The following TENM4 variants were observed in gnomAD, a reference collection of about 807,000 sequenced individuals.
TENM4 encodes teneurin-4.
TENM4 carries 82 observed loss-of-function variants against 243.3 expected under a neutral mutation model. That is an observed-to-expected ratio of 0.34 (90% CI 0.28 to 0.40). The LOEUF (loss-of-function observed/expected upper bound fraction) is 0.40. Ranked by LOEUF, TENM4 falls within the 10% of genes least tolerant of loss-of-function variation. The pLI is 1.00. For missense variants in TENM4, 3,138 were observed against 3,673.3 expected (o/e 0.85, Z 3.77); for synonymous variants, 1,412 against 1,456.3 (o/e 0.97, Z 0.69).
intron 6 of TENM4, among the ~76,000 whole-genome samples, chr11:78,954,606 A>C (rs945758199): frequency 6.6e-6 from 1 of 152,242 alleles, no homozygotes; most frequent in African/African-American, 2.4e-5. Flanking sequence ...TGTCACCAGA[A>C]TGGGATAACC....
rs1257888688 is a variant in TENM4, at chr11:78,889,862, T to C, written c.1007A>G (p.Tyr336Cys). The change falls in exon 9 of 34, where the codon TAC becomes TGC. Residue 336 changes from tyrosine (Y) to cysteine (C), a missense_variant. By Grantham distance (194) the Tyr-to-Cys change is radical. This residue lies in a region of TENM4 where 671 missense variants were observed against 614.1 expected (regional missense o/e 1.09). Coordinates refer to ENST00000278550, the MANE Select transcript of TENM4 (RefSeq NM_001098816.3). ...CAGGGCTGCGCACTTCCAGTTACAG[T>C]ACTTGGAGGGCTTCTTGAGGTTAAA... is the stretch of plus-strand genomic sequence containing the variant. ...PAFNLKKPSK[Y>C]CNWKCAALSA... 9.0e-6 allele frequency: 14 copies of C among 1,551,448 alleles called. No homozygotes were observed. The Admixed American group carries it at 2.6e-4, about 28-fold the overall frequency.
chr11:78,954,455 T>C (rs969625736), intron 6 of TENM4, among the ~76,000 whole-genome samples: 7 of 152,354 alleles, frequency 4.6e-5, no homozygotes, highest in Middle Eastern at 3.4e-3. Context: ...GAATAGCTTC[T>C]ATTTTCTTTC....
intron 9 of TENM4, among the ~76,000 whole-genome samples, chr11:78,884,801 G>C (rs923136145): frequency 1.3e-5 from 2 of 152,242 alleles, no homozygotes; most frequent in Admixed American, 6.5e-5. Context: ...AAGAGCTTGA[G>C]TGCCTGTGGT....
intron 1 of TENM4, among the ~76,000 whole-genome samples, chr11:79,396,850 C>A (rs1459409275): frequency 1.3e-5 from 2 of 152,216 alleles, no homozygotes; most frequent in Non-Finnish European, 2.9e-5. Flanking sequence ...TTATGAGTCA[C>A]AACCAAAGCC....
At chr11:78,953,898 C>T (rs1315973005) in intron 6 of TENM4, among the ~76,000 whole-genome samples, 1 of 152,256 alleles carries the variant, frequency 6.6e-6, no homozygotes, top group East Asian at 1.9e-4. Flanking sequence ...AGCAAATTGC[C>T]CAAGACTACA....
At chr11:79,238,161 A>G (rs767927946) in intron 2 of TENM4, among the ~76,000 whole-genome samples, 4 of 152,122 alleles carry the variant, frequency 2.6e-5, no homozygotes, top group Non-Finnish European at 5.9e-5. Flanking sequence ...TCTGAATTGT[A>G]TTTCTCTATT....
intron 26 of TENM4, among the ~76,000 whole-genome samples, chr11:78,710,844 TG>T (rs574276163): frequency 6.6e-6 from 1 of 151,956 alleles, no homozygotes; most frequent in Non-Finnish European, 1.5e-5. Flanking sequence ...TGTGTGAGGG[TG>T]GGGGGCCACG....
intron 2 of TENM4, among the ~76,000 whole-genome samples, chr11:79,273,653 G>T (rs1197576207): frequency 6.6e-6 from 1 of 152,138 alleles, no homozygotes; most frequent in Non-Finnish European, 1.5e-5. Context: ...CCTGGAACCA[G>T]GGCCCATGTC....
intron 4 of TENM4, among the ~76,000 whole-genome samples, chr11:79,089,335 GCTTC>G (rs1860891185): frequency 6.6e-6 from 1 of 152,202 alleles, no homozygotes; most frequent in South Asian, 2.1e-4. Context: ...TGGCCTGCTA[GCTTC>G]CTTCTCCTCC....
chr11:79,183,450 T>C (rs952002982), intron 3 of TENM4, among the ~76,000 whole-genome samples: 2 of 152,224 alleles, frequency 1.3e-5, no homozygotes, highest in South Asian at 2.1e-4. Context: ...AGTGAAACTA[T>C]TCTGTACTAC....
chr11:78,925,580 G>A (rs190778586), intron 6 of TENM4, among the ~76,000 whole-genome samples: 80 of 152,140 alleles, frequency 5.3e-4, no homozygotes, highest in African/African-American at 1.9e-3. Flanking sequence ...TGGAAAGATT[G>A]TGAAAATGCA....
intron 4 of TENM4, among the ~76,000 whole-genome samples, chr11:79,105,027 T>A (rs78746745): frequency 0.014 from 2,202 of 152,290 alleles, 62 homozygotes; most frequent in African/African-American, 0.051. Context: ...CATAAATACA[T>A]TCATGCATGT....
chr11:79,409,241 T>C (rs1305900293), intron 1 of TENM4, among the ~76,000 whole-genome samples: 1 of 151,684 alleles, frequency 6.6e-6, no homozygotes, highest in Non-Finnish European at 1.5e-5. Context: ...GAAATTGGCA[T>C]TGGAGCTAAA....
Position 78,702,256 on chromosome 11 carries a change from T to C in TENM4, c.4357A>G (p.Ile1453Val), listed in dbSNP as rs373847798. 3.1e-6 allele frequency: 5 copies of C among 1,613,930 alleles called. No homozygotes were observed. The highest frequency in any genetic ancestry group is 4.2e-6 in the Non-Finnish European group (5 of 1,179,906). ...GRPMHCQVPG[I>V]DHFLLSKVAI... is the part of the protein sequence containing the mutation. The stretch of plus-strand genomic sequence containing the variant: ...ACCTTGCTTAGCAGGAAGTGGTCAA[T>C]GCCAGGGACCTGGCAGTGCATGGGC... The change falls in exon 28 of 34, where the codon ATT (isoleucine) becomes GTT (valine). Residue 1453 changes from isoleucine to valine, a missense_variant. Ile to Val is a conservative substitution (Grantham distance 29, BLOSUM62 3). Transcript: ENST00000278550.
chr11:78,662,086 G>A (rs779664256), intron 32 of TENM4, among the ~76,000 whole-genome samples: 3 of 152,100 alleles, frequency 2.0e-5, no homozygotes, highest in Non-Finnish European at 2.9e-5. Flanking sequence ...AAAGTCCCAC[G>A]GGTTACAGAG....
chr11:79,123,063 A>G lies in TENM4; in HGVS notation c.-66+25647T>C, dbSNP rs578195097. On this transcript the variant is annotated intron_variant, in intron 4 of 33. Transcript: ENST00000278550. ...CAGTGGGGGCAGAAAACAAATTTGCAGAGTGCCTCACTCAGGAATATGAGA... is the reference window on the plus strand; with the variant it reads ...CAGTGGGGGCAGAAAACAAATTTGCGGAGTGCCTCACTCAGGAATATGAGA... Among the ~76,000 whole-genome samples, 3 of 152,268 alleles carry G rather than the reference A, an allele frequency of 2.0e-5. No individual in the cohort carries two copies. In the South Asian group the frequency reaches 6.2e-4, roughly 32 times the overall value.
chr11:79,179,432 A>T (rs144595728), intron 3 of TENM4, among the ~76,000 whole-genome samples: 193 of 152,332 alleles, frequency 1.3e-3, no homozygotes, highest in African/African-American at 4.5e-3. Flanking sequence ...CAAAGTCAGA[A>T]ATCTTCACTA....
chr11:79,341,907 A>G (rs1021037617), intron 1 of TENM4, among the ~76,000 whole-genome samples: 4 of 152,208 alleles, frequency 2.6e-5, no homozygotes, highest in African/African-American at 9.6e-5. Context: ...TCCAGCAAAT[A>G]TACCCTAAGC....
chr11:78,726,802 C>T (rs1238888446), intron 22 of TENM4, among the ~76,000 whole-genome samples: 1 of 152,184 alleles, frequency 6.6e-6, no homozygotes, highest in Admixed American at 6.5e-5. Flanking sequence ...CTGAGGCTTC[C>T]CCAGAAGCAG....
Sources: allele counts gnomAD v4.1 joint callset (sites outside exome capture counted in the v4.1 genomes callset), GRCh38; gene constraint gnomAD v4.1.1; regional missense constraint gnomAD v4.1.1; transcripts MANE v1.5; gene names NCBI Gene and HGNC (gene_info 2026-07-23, HGNC 2026-07-21).